Variants in KCNH7 observed in about 807,000 individuals in gnomAD.
KCNH7 encodes voltage-gated inwardly rectifying potassium channel KCNH7.
A neutral mutation model predicts 120.8 loss-of-function variants in KCNH7; 49 were observed. The ratio of observed to expected loss-of-function variants is 0.41; its 90% confidence interval spans 0.32 to 0.51. The LOEUF is 0.51. KCNH7 is among the 20% of genes least tolerant of loss of function. The pLI is 0.38. For missense variants in KCNH7, 1,097 were observed against 1,446.6 expected (o/e 0.76, Z 3.92); for synonymous variants, 547 against 516.1 (o/e 1.06, Z -0.81).
intron 2 of KCNH7, among the ~76,000 whole-genome samples, chr2:162,598,832 T>C (rs1694459905): frequency 6.6e-6 from 1 of 152,176 alleles, no homozygotes; most frequent in Admixed American, 6.6e-5. Context: ...TGTCACACAT[T>C]CTTTGTGGTG....
At chr2:162,505,543 G>A (rs1263185754) in intron 5 of KCNH7, among the ~76,000 whole-genome samples, 1 of 151,892 alleles carries the variant, frequency 6.6e-6, no homozygotes, top group Non-Finnish European at 1.5e-5. Flanking sequence ...TGTTGAGGGA[G>A]TAGACTGACC....
At chr2:162,804,737 G>C (rs1020723454) in intron 2 of KCNH7, among the ~76,000 whole-genome samples, 6 of 143,032 alleles carry the variant, frequency 4.2e-5, no homozygotes, top group Admixed American at 1.4e-4. Flanking sequence ...CATAGATTTA[G>C]AAGAAAAGCC....
At chr2:162,722,969 G>T in intron 2 of KCNH7, among the ~76,000 whole-genome samples, 1 of 150,260 alleles carries the variant, frequency 6.7e-6, no homozygotes, top group African/African-American at 2.5e-5. Flanking sequence ...ATTCTGTTTG[G>T]TAAATTTTCA....
intron 3 of KCNH7, chr2:162,528,110 G>GA (rs1287351467): frequency 1.3e-5 from 2 of 151,738 alleles, no homozygotes; most frequent in African/African-American, 2.4e-5. Flanking sequence ...CATTCAGTAG[G>GA]AAAAAAGTAG....
intron 11 of KCNH7, among the ~76,000 whole-genome samples, chr2:162,395,711 A>G (rs1686892956): frequency 6.6e-6 from 1 of 151,802 alleles, no homozygotes; most frequent in Non-Finnish European, 1.5e-5. Flanking sequence ...AAAACTTTTC[A>G]GAGTTTTAAA....
chr2:162,404,138 G>A (rs891152809), intron 9 of KCNH7, among the ~76,000 whole-genome samples: 8 of 151,924 alleles, frequency 5.3e-5, no homozygotes, highest in Admixed American at 2.0e-4. Context: ...TGGCTACAAA[G>A]AGTTGCTATG....
intron 2 of KCNH7, among the ~76,000 whole-genome samples, chr2:162,581,377 C>T (rs1013267451): frequency 6.6e-6 from 1 of 152,056 alleles, no homozygotes; most frequent in African/African-American, 2.4e-5. Context: ...TTCAGAACTG[C>T]ATGAAATATA....
intron 2 of KCNH7, among the ~76,000 whole-genome samples, chr2:162,588,076 G>A (rs753657699): frequency 9.9e-5 from 15 of 152,156 alleles, no homozygotes; most frequent in South Asian, 6.2e-4. Flanking sequence ...CATCGCTCCT[G>A]CACTGAACTA....
chr2:162,788,041 T>G (rs1248142849), intron 2 of KCNH7, among the ~76,000 whole-genome samples: 1 of 151,988 alleles, frequency 6.6e-6, no homozygotes, highest in African/African-American at 2.4e-5. Flanking sequence ...ATTCTTCAAA[T>G]GATAAGATAC....
chr2:162,733,612 A>C (rs1345297418), intron 2 of KCNH7, among the ~76,000 whole-genome samples: 1 of 152,246 alleles, frequency 6.6e-6, no homozygotes, highest in Non-Finnish European at 1.5e-5. Context: ...AGTGATTGTT[A>C]TTGTGAGCCT....
At position 162,723,281 on chromosome 2, in the gene KCNH7, C is replaced by A. The variant is rs181859102; in HGVS notation, c.307+113256G>T. Among the ~76,000 whole-genome samples, 120 of 152,144 alleles carry A rather than the reference C, an allele frequency of 7.9e-4. No homozygotes were observed. In the Middle Eastern group the frequency reaches 0.01, roughly 13 times the overall value. Reference sequence around the variant, plus strand: ...TGAACTAGTCTTTTACAGGAGAAAACCCCCACCAATCAGCCCAGACAGAAA... The same window carrying A: ...TGAACTAGTCTTTTACAGGAGAAAAACCCCACCAATCAGCCCAGACAGAAA... On this transcript the variant is annotated intron_variant, in intron 2 of 15. Coordinates refer to ENST00000332142, the MANE Select transcript of KCNH7 (RefSeq NM_033272.4).
At chr2:162,431,003 A>G (rs186496942) in intron 8 of KCNH7, among the ~76,000 whole-genome samples, 13 of 152,150 alleles carry the variant, frequency 8.5e-5, no homozygotes, top group Non-Finnish European at 1.5e-4. Flanking sequence ...TGAATTATAC[A>G]CACTTTTAAA....
At chr2:162,529,547 A>G (rs189152553) in intron 3 of KCNH7, among the ~76,000 whole-genome samples, 1 of 152,130 alleles carries the variant, frequency 6.6e-6, no homozygotes, top group East Asian at 2.0e-4. Flanking sequence ...ATAGTTTTCA[A>G]TAATTTAAAA....
intron 2 of KCNH7, among the ~76,000 whole-genome samples, chr2:162,634,524 T>C (rs1683888004): frequency 6.6e-6 from 1 of 152,108 alleles, no homozygotes; most frequent in Non-Finnish European, 1.5e-5. Flanking sequence ...GCCTTTTATG[T>C]GTAAGTGTTG....
At chr2:162,635,516 C>T (rs902492976) in intron 2 of KCNH7, among the ~76,000 whole-genome samples, 2 of 152,020 alleles carry the variant, frequency 1.3e-5, no homozygotes, top group African/African-American at 4.8e-5. Flanking sequence ...AGATTTTTGG[C>T]TTTAAAGTTT....
intron 2 of KCNH7, among the ~76,000 whole-genome samples, chr2:162,670,470 CAAAAA>C (rs61610131): frequency 5.4e-4 from 26 of 48,238 alleles, no homozygotes; most frequent in South Asian, 1.6e-3. Flanking sequence ...CGAACTCTGT[CAAAAA>C]AAAAAAAAAA....
intron 2 of KCNH7, among the ~76,000 whole-genome samples, chr2:162,636,398 G>T (rs1574201711): frequency 6.6e-6 from 1 of 152,140 alleles, no homozygotes; most frequent in Non-Finnish European, 1.5e-5. Flanking sequence ...GAGAGCCAAT[G>T]TCGTGTCGAT....
At position 162,393,523 on chromosome 2, in the gene KCNH7, G is replaced by A. The variant is rs75077061; in HGVS notation, c.2710+866C>T. Among the ~76,000 whole-genome samples, 1,019 of 151,928 alleles carry A rather than the reference G, an allele frequency of 6.7e-3. 8 individuals are homozygous for A. The highest frequency in any genetic ancestry group is 0.024 in the African/African-American group (979 of 41,472). On this transcript the variant is annotated intron_variant, in intron 12 of 15. Transcript: ENST00000332142. ...ATAATAATCTTGAAATTATCTTCAGGGAGTTCATGAAGGTAGGAGGAAAAT... is the reference window on the plus strand; with the variant it reads ...ATAATAATCTTGAAATTATCTTCAGAGAGTTCATGAAGGTAGGAGGAAAAT...
intron 2 of KCNH7, among the ~76,000 whole-genome samples, chr2:162,648,601 C>T (rs1281527128): frequency 1.3e-5 from 2 of 152,156 alleles, no homozygotes; most frequent in Non-Finnish European, 2.9e-5. Context: ...TTTGCTTATG[C>T]TTTTTCTCAG....
Sources: gnomAD v4.1 joint callset for allele counts (sites outside exome capture counted in the v4.1 genomes callset) on GRCh38, gnomAD v4.1.1 for gene constraint, MANE v1.5 for transcripts, NCBI Gene and HGNC (gene_info 2026-07-23, HGNC 2026-07-21) for gene names.